Variants in PTPRM observed in about 807,000 individuals in gnomAD.
PTPRM encodes receptor-type tyrosine-protein phosphatase mu.
In PTPRM, 47 loss-of-function variants were observed where a neutral mutation model predicts 186.7. The ratio of observed to expected loss-of-function variants is 0.25; its 90% CI spans 0.20 to 0.32. The LOEUF is 0.32. Ranked by LOEUF, PTPRM falls within the 10% of genes least tolerant of loss-of-function variation. PTPRM has a pLI of 1.00. For missense variants in PTPRM, 1,494 were observed against 1,865.0 expected, an observed-to-expected ratio of 0.80 and a Z score of 3.66; for synonymous variants, 668 against 674.9, an observed-to-expected ratio of 0.99 and a Z score of 0.16.
At chr18:7,585,612 C>T (rs2143559195) in intron 1 of PTPRM, among the ~76,000 whole-genome samples, 1 of 152,282 alleles carries the variant, frequency 6.6e-6, no homozygotes, top group East Asian at 1.9e-4. Flanking sequence ...CCAAGGCTTT[C>T]TCTCTTTTTT....
At chr18:8,303,163 G>A (rs1173104916) in intron 20 of PTPRM, among the ~76,000 whole-genome samples, 1 of 152,170 alleles carries the variant, frequency 6.6e-6, no homozygotes, top group Non-Finnish European at 1.5e-5. Context: ...ACTGCTCAGC[G>A]GTGCAGGGAG....
intron 19 of PTPRM, among the ~76,000 whole-genome samples, chr18:8,267,955 A>G (rs1304871169): frequency 2.0e-5 from 3 of 152,098 alleles, no homozygotes; most frequent in East Asian, 1.9e-4. Flanking sequence ...TACCCACTAG[A>G]GTATTATTAT....
At chr18:7,783,825 T>A (rs2042975130) in intron 2 of PTPRM, among the ~76,000 whole-genome samples, 1 of 151,824 alleles carries the variant, frequency 6.6e-6, no homozygotes, top group African/African-American at 2.4e-5. Flanking sequence ...CAGGCTGGTC[T>A]TGAACTCCTG....
intron 7 of PTPRM, among the ~76,000 whole-genome samples, chr18:8,003,865 A>G (rs2084015132): frequency 6.6e-6 from 1 of 152,156 alleles, no homozygotes; most frequent in Non-Finnish European, 1.5e-5. Context: ...CATTCTACTT[A>G]AAGAAACTTA....
At chr18:8,026,047 C>G (rs550881487) in intron 7 of PTPRM, among the ~76,000 whole-genome samples, 1 of 152,278 alleles carries the variant, frequency 6.6e-6, no homozygotes, top group Admixed American at 6.5e-5. Context: ...GCTCAAAGCC[C>G]AAAGAGTAAA....
At chr18:7,841,281 C>CTTTTTTTTTTTTTTT (rs34688860) in intron 2 of PTPRM, among the ~76,000 whole-genome samples, 1 of 70,200 alleles carries the variant, frequency 1.4e-5, no homozygotes, top group African/African-American at 6.5e-5. Flanking sequence ...CAAATCATTT[C>CTTTTTTTTTTTTTTT]TTTTTTTTTT....
At chr18:8,218,623 G>A (rs2094117510) in intron 14 of PTPRM, among the ~76,000 whole-genome samples, 1 of 152,226 alleles carries the variant, frequency 6.6e-6, no homozygotes, top group Non-Finnish European at 1.5e-5. Flanking sequence ...GAGGGTCAGT[G>A]TAGCGCTCAA....
intron 29 of PTPRM, among the ~76,000 whole-genome samples, chr18:8,383,707 T>A (rs1285973559): frequency 6.6e-6 from 1 of 152,228 alleles, no homozygotes; most frequent in African/African-American, 2.4e-5. Context: ...ATTTGCTAGA[T>A]CTGAGCTGCA....
chr18:8,277,292 A>G (rs562024269), intron 19 of PTPRM, among the ~76,000 whole-genome samples: 6 of 152,350 alleles, frequency 3.9e-5, no homozygotes, highest in Admixed American at 2.0e-4. Flanking sequence ...TGGTGCAACT[A>G]TATGATGTTG....
At chr18:8,118,994 A>G (rs2092072135) in intron 13 of PTPRM, among the ~76,000 whole-genome samples, 1 of 151,780 alleles carries the variant, frequency 6.6e-6, no homozygotes, top group South Asian at 2.1e-4. Flanking sequence ...CTTCACGTAA[A>G]CACATGCTGA....
chr18:8,124,768 G>C (rs2145853067), intron 13 of PTPRM, among the ~76,000 whole-genome samples: 1 of 152,278 alleles, frequency 6.6e-6, no homozygotes, highest in Middle Eastern at 3.4e-3. Context: ...CAACCGTTGT[G>C]TTTAATAGAT....
At chr18:8,325,472 C>T (rs2095370000) in intron 22 of PTPRM, among the ~76,000 whole-genome samples, 1 of 152,144 alleles carries the variant, frequency 6.6e-6, no homozygotes, top group African/African-American at 2.4e-5. Flanking sequence ...CAGCTTTATC[C>T]ATGTTGCTGC....
At chr18:8,319,079 G>T (rs1601787453) in intron 21 of PTPRM, 99 bp from the exon 22 acceptor site, 2 of 777,062 alleles carry the variant, frequency 2.6e-6, no homozygotes, top group East Asian at 5.5e-5. Flanking sequence ...GCAGCTATTG[G>T]CGTTTGTGTG....
intron 1 of PTPRM, among the ~76,000 whole-genome samples, chr18:7,729,577 T>C (rs2144385759): frequency 6.6e-6 from 1 of 152,282 alleles, no homozygotes; most frequent in South Asian, 2.1e-4. Flanking sequence ...AAGGTAGAGT[T>C]GATGTCAAAT....
At chr18:8,239,445 C>T in intron 14 of PTPRM, among the ~76,000 whole-genome samples, 1 of 152,132 alleles carries the variant, frequency 6.6e-6, no homozygotes, top group East Asian at 1.9e-4. Context: ...CTGTGAAAAC[C>T]TGGTAGGGTT....
chr18:8,078,252 A>G (rs2089937834), intron 9 of PTPRM, among the ~76,000 whole-genome samples: 1 of 152,150 alleles, frequency 6.6e-6, no homozygotes, highest in African/African-American at 2.4e-5. Context: ...TTGAGCTGAA[A>G]TGCACCTGTG....
rs141100069 is a variant in PTPRM, at chr18:8,162,880, C to T, written c.2300+19101C>T. ...GCTAAGTGTCCAATCCACAGCCTGG[C>T]GAGCTGATGTGGTCTTGGCATCAGG... On this transcript the variant is annotated intron_variant, in intron 14 of 32. Coordinates refer to ENST00000580170, the MANE Select transcript of PTPRM (RefSeq NM_001105244.2). Among the ~76,000 whole-genome samples, 14 of 152,304 alleles carry T rather than the reference C, an allele frequency of 9.2e-5. No individual in the cohort carries two copies. The East Asian group carries it at 1.2e-3, about 13-fold the overall frequency.
chr18:8,139,293 A>G (rs538755518), intron 13 of PTPRM, among the ~76,000 whole-genome samples: 6 of 152,120 alleles, frequency 3.9e-5, no homozygotes, highest in Admixed American at 3.9e-4. Flanking sequence ...CATCCAGTTC[A>G]TCGGCAAAAC....
At chr18:7,681,833 A>C (rs1249091837) in intron 1 of PTPRM, among the ~76,000 whole-genome samples, 1 of 152,110 alleles carries the variant, frequency 6.6e-6, no homozygotes, top group Non-Finnish European at 1.5e-5. Context: ...TTTATGGTTT[A>C]ATTGGGTGGA....
Sources: allele counts gnomAD v4.1 joint callset (sites outside exome capture counted in the v4.1 genomes callset), GRCh38; gene constraint gnomAD v4.1.1; transcripts MANE v1.5; gene names NCBI Gene and HGNC (gene_info 2026-07-23, HGNC 2026-07-21).